The following DOCK2 variants were observed in gnomAD, a reference collection of about 807,000 sequenced individuals.
The protein encoded by DOCK2 is dedicator of cytokinesis protein 2.
DOCK2 carries 87 observed loss-of-function variants against 248.9 expected under a neutral mutation model. The observed-to-expected ratio is 0.35, with a 90% confidence interval of 0.29 to 0.42. The LOEUF is 0.42. Ranked by LOEUF, DOCK2 falls within the 10% of genes least tolerant of loss-of-function variation. The pLI is 1.00. For missense variants in DOCK2, 1,747 were observed against 2,300.2 expected (o/e 0.76, Z 4.92); for synonymous variants, 805 against 821.6 (o/e 0.98, Z 0.35).
chr5:169,942,774 T>C (rs1776292701), intron 27 of DOCK2, among the ~76,000 whole-genome samples: 1 of 152,294 alleles, frequency 6.6e-6, no homozygotes, highest in Non-Finnish European at 1.5e-5. Context: ...CCAACTAGCC[T>C]GCTCAAAGGT....
chr5:169,638,399 A>G (rs1012921976), intron 1 of DOCK2, among the ~76,000 whole-genome samples: 8 of 152,214 alleles, frequency 5.3e-5, no homozygotes, highest in Non-Finnish European at 1.2e-4. Context: ...CTCAAGGGGC[A>G]GTTACAAAGT....
intron 27 of DOCK2, among the ~76,000 whole-genome samples, chr5:169,935,236 G>GCAGGAACTAAGAT (rs60663179): frequency 0.15 from 22,230 of 152,142 alleles, 2,258 homozygotes; most frequent in African/African-American, 0.3. Flanking sequence ...TACACTGTTT[G>GCAGGAACTAAGAT]CTGTGAGTCA....
chr5:169,640,277 A>G (rs1241419914), intron 1 of DOCK2, among the ~76,000 whole-genome samples: 1 of 152,216 alleles, frequency 6.6e-6, no homozygotes. Context: ...TTGGGACTAT[A>G]AAGAGGGCTT....
At chr5:169,944,428 A>G (rs1030142252) in intron 27 of DOCK2, among the ~76,000 whole-genome samples, 1 of 152,210 alleles carries the variant, frequency 6.6e-6, no homozygotes, top group African/African-American at 2.4e-5. Flanking sequence ...CCCAGTTGCA[A>G]GGAGCCAGCC....
chr5:169,769,883 A>T (rs1008094237), intron 25 of DOCK2, among the ~76,000 whole-genome samples: 1 of 152,246 alleles, frequency 6.6e-6, no homozygotes, highest in Admixed American at 6.5e-5. Flanking sequence ...TACTGATGGA[A>T]TGAACTCCTT....
chr5:169,713,743 A>G (rs542021883), intron 17 of DOCK2, among the ~76,000 whole-genome samples: 1 of 152,302 alleles, frequency 6.6e-6, no homozygotes, highest in South Asian at 2.1e-4. Flanking sequence ...ATTAAAATGT[A>G]CTGTCTGGGA....
At chr5:169,927,867 C>T (rs578046071) in intron 27 of DOCK2, among the ~76,000 whole-genome samples, 46 of 152,274 alleles carry the variant, frequency 3.0e-4, no homozygotes, top group African/African-American at 9.6e-4. Flanking sequence ...CCACCCGTCT[C>T]GGCCTCCCAA....
intron 27 of DOCK2, chr5:169,883,733 C>A: frequency 1.3e-6 from 2 of 1,551,550 alleles, no homozygotes; most frequent in Non-Finnish European, 1.7e-6. Context: ...GGAGTTTGGA[C>A]GTCAACCTCA....
At chr5:169,755,465 G>A (rs971073975) in intron 23 of DOCK2, among the ~76,000 whole-genome samples, 5 of 152,170 alleles carry the variant, frequency 3.3e-5, no homozygotes, top group African/African-American at 9.7e-5. Context: ...TAGAACGGCT[G>A]GGCACGGTGG....
chr5:169,966,502 C>T (rs1400770236), intron 27 of DOCK2, among the ~76,000 whole-genome samples: 1 of 152,144 alleles, frequency 6.6e-6, no homozygotes, highest in Non-Finnish European at 1.5e-5. Flanking sequence ...TATATAAGAT[C>T]CCCATGAAGT....
rs552569510 is a variant in DOCK2, at chr5:169,671,135, A to G, written c.282A>G (p.Thr94=). 2 of 1,613,924 alleles carry G rather than the reference A, an allele frequency of 1.2e-6. No homozygotes were observed. Among genetic ancestry groups the G allele is most frequent in the Non-Finnish European group, 1.7e-6 (2 of 1,179,962 alleles). ...EIPLAQEVTT[T]LWEWGSIWKQ... is the part of the protein sequence containing the mutation. ...CTCTGGCACAAGAAGTGACAACGACACTTTGGGAATGGGGAAGCATCTGGA... is the reference window on the plus strand; with the variant it reads ...CTCTGGCACAAGAAGTGACAACGACGCTTTGGGAATGGGGAAGCATCTGGA... The change falls in exon 5 of 52, where the codon ACA becomes ACG. Residue 94 remains threonine (T), a synonymous_variant. Transcript: ENST00000520908.
At chr5:169,786,294 A>G (rs897765198) in intron 25 of DOCK2, among the ~76,000 whole-genome samples, 99 of 152,160 alleles carry the variant, frequency 6.5e-4, no homozygotes, top group Admixed American at 4.6e-3. Context: ...CACTTCAGTT[A>G]GTAGGGGGGC....
Position 169,674,446 on chromosome 5 carries a change from G to A in DOCK2, c.470+1G>A. On this transcript the variant is annotated splice_donor_variant, in intron 6 of 51. Transcript: ENST00000520908. LOFTEE classifies it high-confidence loss of function. ...CGTCCAAAATTGACTATGGCAACAAGTAACCTCTCTTTCCTCTGCAAAGAG... is the reference window on the plus strand; with the variant it reads ...CGTCCAAAATTGACTATGGCAACAAATAACCTCTCTTTCCTCTGCAAAGAG... 1 of 1,614,076 alleles carries A rather than the reference G, an allele frequency of 6.2e-7. No individual in the cohort carries two copies. The highest frequency in any genetic ancestry group is 8.5e-7 in the Non-Finnish European group (1 of 1,179,968).
chr5:169,664,171 G>T (rs1170621283), intron 2 of DOCK2, among the ~76,000 whole-genome samples: 2 of 152,174 alleles, frequency 1.3e-5, no homozygotes, highest in East Asian at 3.8e-4. Flanking sequence ...GATCTCTAGG[G>T]CAGGGGAAAA....
chr5:170,072,094 G>T (rs934323449), intron 46 of DOCK2, among the ~76,000 whole-genome samples: 1 of 152,062 alleles, frequency 6.6e-6, no homozygotes, highest in African/African-American at 2.4e-5. Flanking sequence ...GAACTTCCTT[G>T]TGTGTTTTTT....
At chr5:170,080,142 G>C in intron 49 of DOCK2, 21 bp from the exon 50 acceptor site, 2 of 1,613,786 alleles carry the variant, frequency 1.2e-6, no homozygotes, top group Non-Finnish European at 1.7e-6. Context: ...GTGTGTGTGT[G>C]TGTCTGGTGT....
rs192002198 is a variant in DOCK2 at position 170,078,816 on chromosome 5, T to C, written c.4995-159T>C. 2.0e-4 allele frequency among the ~76,000 whole-genome samples: 31 copies of C among 152,368 alleles called. No homozygotes were observed. The East Asian group carries it at 5.6e-3, about 27-fold the overall frequency. ...TTTAACTGTTTGTGCATTGAGCAAG[T>C]TGCTCCCCAAATCCTCTGCCAGATT... On this transcript the variant is annotated intron_variant, in intron 48 of 51. Coordinates refer to ENST00000520908, the MANE Select transcript of DOCK2 (RefSeq NM_004946.3).
chr5:169,845,904 TG>T (rs1943339887), intron 27 of DOCK2, among the ~76,000 whole-genome samples: 1 of 152,212 alleles, frequency 6.6e-6, no homozygotes, highest in Admixed American at 6.5e-5. Flanking sequence ...TTTCATAAAA[TG>T]AGCCTTTCCA....
chr5:170,083,029 GC>G lies in DOCK2; in HGVS notation c.*174del, dbSNP rs1233539389. 1.4e-6 allele frequency: 1 copy of G among 721,404 alleles called. No individual in the cohort carries two copies. 44.7% of individuals were successfully genotyped at this position (721,404 alleles called of 1,614,324 possible). A position where few individuals can be genotyped will look rare whatever the true frequency, so the allele number is the denominator to read the frequency against. ...GGTCCCAGAGCTTGAATGCTAACAA[GC>G]CCAGCATCCCCTGGGGCTGTGATCA... On this transcript the variant is annotated 3_prime_UTR_variant, in exon 52 of 52. Coordinates refer to ENST00000520908, the MANE Select transcript of DOCK2 (RefSeq NM_004946.3).
Sources: allele counts gnomAD v4.1 joint callset (sites outside exome capture counted in the v4.1 genomes callset), GRCh38; gene constraint gnomAD v4.1.1; transcripts MANE v1.5; gene names NCBI Gene and HGNC (gene_info 2026-07-23, HGNC 2026-07-21).